Variants in PTPN9 observed in about 807,000 individuals in gnomAD.
PTPN9 encodes tyrosine-protein phosphatase non-receptor type 9.
Under a neutral mutation model 69.8 loss-of-function variants are expected in PTPN9, and 26 were observed. The ratio of observed to expected loss-of-function variants is 0.37; its 90% CI spans 0.27 to 0.52. PTPN9 has a LOEUF of 0.52. Among genes scored for constraint, PTPN9 ranks in the 20% least tolerant of loss-of-function variants. The pLI, the probability that PTPN9 is intolerant of heterozygous loss-of-function variation, is 0.91. For synonymous variants in PTPN9, 274 were observed against 272.5 expected (o/e 1.01, Z -0.05); for missense variants, 549 against 740.3 (o/e 0.74, Z 3.00).
Position 75,564,180 on chromosome 15 carries a change from G to T in PTPN9, c.63+14534C>A, listed in dbSNP as rs887839873. Among the ~76,000 whole-genome samples the T allele has an allele frequency of 2.0e-5, 3 of 151,452 alleles. No individual in the cohort carries two copies. The South Asian group carries it at 6.3e-4, about 32-fold the overall frequency. ...TAAACTTTGTAACCTCAAATTCCTG[G>T]GCTCAATCGATCCTCCTGCCTCAGC... On this transcript the variant is annotated intron_variant, in intron 1 of 12. Transcript: ENST00000618819.
intron 1 of PTPN9, among the ~76,000 whole-genome samples, chr15:75,542,729 G>A (rs534473293): frequency 1.3e-5 from 2 of 151,988 alleles, no homozygotes; most frequent in South Asian, 2.1e-4. Context: ...AGCAGAAAAT[G>A]TTCTATTCCT....
chr15:75,488,333 T>C (rs1316419447), intron 8 of PTPN9, among the ~76,000 whole-genome samples: 2 of 150,476 alleles, frequency 1.3e-5, no homozygotes, highest in Non-Finnish European at 3.0e-5. Flanking sequence ...ACAACCTCAG[T>C]CAATGCTGGG....
At chr15:75,509,792 T>A (rs2074836946) in intron 5 of PTPN9, among the ~76,000 whole-genome samples, 1 of 152,180 alleles carries the variant, frequency 6.6e-6, no homozygotes, top group Non-Finnish European at 1.5e-5. Context: ...GAGACCAGCC[T>A]GGCCAACATG....
intron 5 of PTPN9, among the ~76,000 whole-genome samples, chr15:75,509,454 C>T (rs1472814095): frequency 3.3e-5 from 5 of 152,236 alleles, no homozygotes; most frequent in Admixed American, 6.5e-5. Context: ...TATGGGAGGC[C>T]GAGGTGGGTG....
chr15:75,483,681 T>C (rs557861869), intron 8 of PTPN9, among the ~76,000 whole-genome samples: 2 of 152,334 alleles, frequency 1.3e-5, no homozygotes, highest in East Asian at 1.9e-4. Context: ...ATACTTTAAA[T>C]AGGTAAATTG....
At chr15:75,469,139 G>A (rs569642043) in intron 12 of PTPN9, among the ~76,000 whole-genome samples, 156 bp from the exon 13 acceptor site, 81 of 152,360 alleles carry the variant, frequency 5.3e-4, no homozygotes, top group African/African-American at 1.9e-3. Flanking sequence ...TCAAGAAGGA[G>A]GTCACAGGGA....
chr15:75,569,708 C>T (rs372523130), intron 1 of PTPN9, among the ~76,000 whole-genome samples: 106 of 149,352 alleles, frequency 7.1e-4, no homozygotes, highest in South Asian at 1.3e-3. Flanking sequence ...AAAAACAGTT[C>T]AGCTCCTTTC....
chr15:75,506,765 A>AT (rs1049325889), intron 6 of PTPN9, among the ~76,000 whole-genome samples: 1 of 151,998 alleles, frequency 6.6e-6, no homozygotes, highest in Admixed American at 6.6e-5. Flanking sequence ...TCTCCTTAGG[A>AT]TCTCTGTGGA....
intron 5 of PTPN9, among the ~76,000 whole-genome samples, chr15:75,515,480 T>C (rs868853593): frequency 1.0e-4 from 14 of 135,418 alleles, no homozygotes; most frequent in Non-Finnish European, 1.4e-4. Context: ...ACAGAGTACA[T>C]AAAGAGGCCA....
At chr15:75,557,619 C>T (rs1255937558) in intron 1 of PTPN9, among the ~76,000 whole-genome samples, 1 of 152,122 alleles carries the variant, frequency 6.6e-6, no homozygotes. Context: ...ATTTTATATT[C>T]CTAACAGCAA....
chr15:75,483,613 A>C (rs1165695209), intron 8 of PTPN9, among the ~76,000 whole-genome samples: 1 of 152,186 alleles, frequency 6.6e-6, no homozygotes, highest in Non-Finnish European at 1.5e-5. Context: ...AATGTTCTAA[A>C]GTTGTTTGTG....
At chr15:75,562,068 G>T (rs2075106118) in intron 1 of PTPN9, among the ~76,000 whole-genome samples, 1 of 151,932 alleles carries the variant, frequency 6.6e-6, no homozygotes, top group Non-Finnish European at 1.5e-5. Context: ...GCCCAGGTTG[G>T]TCTCAAACTC....
At chr15:75,504,150 A>C (rs62027170) in intron 7 of PTPN9, among the ~76,000 whole-genome samples, 2,400 of 17,562 alleles carry the variant, frequency 0.14, no homozygotes, top group African/African-American at 0.26. Context: ...CCCCGCCCGG[A>C]CAGCCGCCCC....
intron 1 of PTPN9, among the ~76,000 whole-genome samples, chr15:75,545,393 C>A (rs2075027684): frequency 6.6e-6 from 1 of 150,800 alleles, no homozygotes; most frequent in Non-Finnish European, 1.5e-5. Context: ...CATAGTGAGA[C>A]CCCCCCATCT....
chr15:75,494,205 T>A (rs554271706), intron 7 of PTPN9, among the ~76,000 whole-genome samples: 1 of 150,104 alleles, frequency 6.7e-6, no homozygotes, highest in Non-Finnish European at 1.5e-5. Flanking sequence ...AGAACTAACA[T>A]AATACAAGGA....
intron 2 of PTPN9, among the ~76,000 whole-genome samples, chr15:75,524,987 C>A (rs1203015237): frequency 6.6e-6 from 1 of 151,876 alleles, no homozygotes; most frequent in African/African-American, 2.4e-5. Context: ...ATGTTACATT[C>A]AGGTGCAGGA....
chr15:75,563,174 T>A (rs988869307), intron 1 of PTPN9, among the ~76,000 whole-genome samples: 4 of 152,156 alleles, frequency 2.6e-5, no homozygotes, highest in African/African-American at 9.7e-5. Context: ...TTATAAGTGA[T>A]AATGTATGGC....
intron 7 of PTPN9, among the ~76,000 whole-genome samples, chr15:75,504,020 G>C (rs866864043): frequency 1.5e-4 from 20 of 136,618 alleles, no homozygotes; most frequent in African/African-American, 5.3e-4. Flanking sequence ...CCCCGTCCGG[G>C]AGGGAGGTGG....
rs1376881671 is a variant in PTPN9 at position 75,541,372 on chromosome 15, C to G, written c.64-14111G>C. Among the ~76,000 whole-genome samples the G allele has an allele frequency of 2.0e-5, 3 of 151,074 alleles. 1 individual carries two copies. Among genetic ancestry groups the G allele is most frequent in the African/African-American group, 7.3e-5 (3 of 41,120 alleles). On this transcript the variant is annotated intron_variant, in intron 1 of 12. Transcript: ENST00000618819. ...CGCTGGGATTACAGGCATGATCCAC[C>G]ACACCTGCCCTCATTTTATTATTAT...
Sources: allele counts gnomAD v4.1 joint callset (sites outside exome capture counted in the v4.1 genomes callset), GRCh38; gene constraint gnomAD v4.1.1; transcripts MANE v1.5; gene names NCBI Gene and HGNC (gene_info 2026-07-23, HGNC 2026-07-21).